Variants in ADAM23 observed in about 807,000 individuals in gnomAD.
The protein encoded by ADAM23 is ADAM metallopeptidase domain 23.
Under a neutral mutation model 120.1 loss-of-function variants are expected in ADAM23, and 33 were observed. The ratio of observed to expected loss-of-function variants is 0.27; its 90% CI spans 0.21 to 0.37. The LOEUF (loss-of-function observed/expected upper bound fraction) is 0.37, where lower values mean the gene tolerates loss of function less well. Ranked by LOEUF, ADAM23 falls within the 10% of genes least tolerant of loss-of-function variation. ADAM23 has a pLI of 1.00. For synonymous variants in ADAM23, 367 were observed against 375.2 expected, an observed-to-expected ratio of 0.98 and a Z score of 0.25; for missense variants, 862 against 1,058.2, an observed-to-expected ratio of 0.81 and a Z score of 2.57.
intron 3 of ADAM23, 76 bp from the exon 4 acceptor site, chr2:206,530,809 C>A: frequency 1.5e-6 from 2 of 1,311,366 alleles, no homozygotes; most frequent in South Asian, 1.2e-5. Context: ...CCCTCACGTT[C>A]ATTTATTGAG....
At chr2:206,503,760 G>A (rs1048425968) in intron 3 of ADAM23, among the ~76,000 whole-genome samples, 1 of 152,040 alleles carries the variant, frequency 6.6e-6, no homozygotes, top group Non-Finnish European at 1.5e-5. Flanking sequence ...TTCTGATTTT[G>A]GCCTTTTTAA....
Position 206,592,623 on chromosome 2 carries a change from G to T in ADAM23, c.1965G>T (p.Val655=). The T allele has an allele frequency of 6.2e-7, 1 of 1,613,964 alleles. No homozygotes were observed. Among genetic ancestry groups the T allele is most frequent in the South Asian group, 1.1e-5 (1 of 91,056 alleles). The change falls in exon 22 of 26, where the codon GTG becomes GTT. Residue 655 remains valine, a synonymous_variant. Coordinates refer to ENST00000264377, the MANE Select transcript of ADAM23 (RefSeq NM_003812.4). ...DRWIQCSKHD[V]FCGFLLCTNL... ...TTTCTTTACACATGTTCAGTGATGT[G>T]TTCTGTGGATTCTTACTCTGTACCA...
intron 18 of ADAM23, among the ~76,000 whole-genome samples, chr2:206,575,464 G>C (rs965217788): frequency 2.6e-5 from 4 of 152,122 alleles, no homozygotes; most frequent in Non-Finnish European, 5.9e-5. Flanking sequence ...ATTATTAGTA[G>C]TATAGAAGTG....
chr2:206,614,427 GACAGATCGC>G (rs1698895036), intron 25 of ADAM23, among the ~76,000 whole-genome samples: 2 of 82,342 alleles, frequency 2.4e-5, no homozygotes, highest in African/African-American at 9.8e-5. Flanking sequence ...GGCTGAGGTG[GACAGATCGC>G]CTGAGGACAG....
intron 4 of ADAM23, among the ~76,000 whole-genome samples, chr2:206,537,296 G>A (rs1697196673): frequency 6.6e-6 from 1 of 152,294 alleles, no homozygotes; most frequent in South Asian, 2.1e-4. Context: ...TTTGGCAGCA[G>A]GAGAGCATGG....
At chr2:206,566,135 T>C (rs1697873015) in intron 14 of ADAM23, among the ~76,000 whole-genome samples, 1 of 150,910 alleles carries the variant, frequency 6.6e-6, no homozygotes, top group African/African-American at 2.4e-5. Context: ...TTCTGTCTTC[T>C]AAATTAATCT....
At chr2:206,582,416 T>A (rs900059676) in intron 18 of ADAM23, among the ~76,000 whole-genome samples, 5 of 151,114 alleles carry the variant, frequency 3.3e-5, no homozygotes, top group Admixed American at 3.3e-4. Flanking sequence ...CCCTTTACTT[T>A]AAGTTTATGT....
In ADAM23 at chr2:206,476,648, A is replaced by G. The variant is rs1462026861; in HGVS notation, c.433-4584A>G. Among the ~76,000 whole-genome samples, 5 of 152,168 alleles carry G rather than the reference A, an allele frequency of 3.3e-5. No homozygotes were observed. In the East Asian group the frequency reaches 9.6e-4, roughly 29 times the overall value. The stretch of plus-strand genomic sequence containing the variant: ...ACTCCACCCCATCCGTGGAAAAATT[A>G]TCTTCCGTGAAACTGGACCCTGGTG... On this transcript the variant is annotated intron_variant, in intron 2 of 25. Coordinates refer to ENST00000264377, the MANE Select transcript of ADAM23 (RefSeq NM_003812.4).
intron 15 of ADAM23, among the ~76,000 whole-genome samples, chr2:206,569,566 G>A (rs1370738250): frequency 6.6e-6 from 1 of 152,138 alleles, no homozygotes; most frequent in African/African-American, 2.4e-5. Context: ...CCACACTGTT[G>A]GAGATAGTGA....
intron 24 of ADAM23, among the ~76,000 whole-genome samples, chr2:206,608,690 T>A (rs1281689674): frequency 3.3e-5 from 5 of 151,896 alleles, no homozygotes; most frequent in South Asian, 2.1e-4. Flanking sequence ...ACCCCGAGAC[T>A]GTATTGCAGC....
intron 2 of ADAM23, among the ~76,000 whole-genome samples, chr2:206,463,539 G>C (rs1364513735): frequency 1.3e-5 from 2 of 152,188 alleles, no homozygotes; most frequent in African/African-American, 4.8e-5. Context: ...AATTTGTTAG[G>C]GTAGCAGCAG....
chr2:206,497,943 C>T (rs538491480), intron 3 of ADAM23, among the ~76,000 whole-genome samples: 33 of 152,258 alleles, frequency 2.2e-4, no homozygotes, highest in African/African-American at 7.5e-4. Context: ...ATCCAACTTA[C>T]AAGGGATGTG....
chr2:206,555,103 T>C (rs1697616955), intron 9 of ADAM23, among the ~76,000 whole-genome samples: 1 of 152,156 alleles, frequency 6.6e-6, no homozygotes, highest in Non-Finnish European at 1.5e-5. Context: ...AGTCTTTAAG[T>C]GGGATCATGA....
intron 9 of ADAM23, among the ~76,000 whole-genome samples, chr2:206,555,228 T>G (rs1174518327): frequency 6.6e-6 from 1 of 152,168 alleles, no homozygotes; most frequent in East Asian, 1.9e-4. Flanking sequence ...AACTTCTGAA[T>G]CAGAACTCTT....
chr2:206,454,402 C>G (rs1163633074), intron 2 of ADAM23, among the ~76,000 whole-genome samples: 1 of 152,138 alleles, frequency 6.6e-6, no homozygotes, highest in Non-Finnish European at 1.5e-5. Context: ...CCCACCAGGT[C>G]CCTACCCCAA....
intron 2 of ADAM23, among the ~76,000 whole-genome samples, chr2:206,468,653 TC>T (rs1203927218): frequency 6.6e-6 from 1 of 152,150 alleles, no homozygotes; most frequent in Non-Finnish European, 1.5e-5. Flanking sequence ...TCCAAACTCT[TC>T]CAGCCTCTGC....
chr2:206,548,367 T>C lies in ADAM23; in HGVS notation c.867+13T>C, dbSNP rs1697443610. 5 of 1,605,622 alleles carry C rather than the reference T, an allele frequency of 3.1e-6. No individual in the cohort carries two copies. The highest frequency in any genetic ancestry group is 2.7e-5 in the African/African-American group (2 of 74,908). On this transcript the variant is annotated intron_variant, in intron 8 of 25. Transcript: ENST00000264377. ...GAGAGCAGTGAATGTGAGTGTGGCA[T>C]TGAGCCTTGGGTGGGCCTATTTTAC...
At chr2:206,445,611 T>C in intron 2 of ADAM23, 87 bp downstream of exon 2, 2 of 1,145,980 alleles carry the variant, frequency 1.7e-6, no homozygotes, top group Non-Finnish European at 1.3e-6. Context: ...AGTTCACAAA[T>C]TTTACTGCAG....
At chr2:206,490,344 G>A (rs956654705) in intron 3 of ADAM23, among the ~76,000 whole-genome samples, 5 of 152,182 alleles carry the variant, frequency 3.3e-5, no homozygotes, top group Admixed American at 2.0e-4. Context: ...CTAATACACC[G>A]TTCTAATTCA....
Sources: allele counts gnomAD v4.1 joint callset (sites outside exome capture counted in the v4.1 genomes callset), GRCh38; gene constraint gnomAD v4.1.1; transcripts MANE v1.5; gene names NCBI Gene and HGNC (gene_info 2026-07-23, HGNC 2026-07-21).